Variants in TUSC3 observed in about 807,000 individuals in gnomAD.
TUSC3 encodes tumor suppressor candidate 3.
In TUSC3, 45 loss-of-function variants were observed where a neutral mutation model predicts 44.8. That is an observed-to-expected ratio of 1.00 (90% CI 0.79 to 1.29). The LOEUF (loss-of-function observed/expected upper bound fraction) is 1.29. Ranked by LOEUF, TUSC3 falls within the 50% of genes most tolerant of loss-of-function variation. The pLI is 0.00. For missense variants in TUSC3, 519 were observed against 437.9 expected, an observed-to-expected ratio of 1.19 and a Z score of -1.65; for synonymous variants, 212 against 152.9, an observed-to-expected ratio of 1.39 and a Z score of -2.85.
At chr8:15,578,847 G>C (rs1444718447) in intron 1 of TUSC3, among the ~76,000 whole-genome samples, 1 of 152,054 alleles carries the variant, frequency 6.6e-6, no homozygotes, top group Admixed American at 6.6e-5. Context: ...AGTTAGGGAG[G>C]ATTCCCTCTT....
intron 2 of TUSC3, among the ~76,000 whole-genome samples, chr8:15,499,159 T>C (rs934221964): frequency 2.6e-5 from 4 of 152,184 alleles, no homozygotes. Context: ...TGCCTCTTGT[T>C]AATGCCAAGC....
intron 1 of TUSC3, among the ~76,000 whole-genome samples, chr8:15,543,176 A>G (rs779347181): frequency 3.3e-5 from 5 of 152,212 alleles, no homozygotes; most frequent in African/African-American, 4.8e-5. Flanking sequence ...GATGCCTATG[A>G]TAAGATTTGG....
At chr8:15,520,418 T>A (rs1173661528) in intron 2 of TUSC3, among the ~76,000 whole-genome samples, 1 of 152,210 alleles carries the variant, frequency 6.6e-6, no homozygotes, top group African/African-American at 2.4e-5. Flanking sequence ...TGGGATAATT[T>A]ATTACGCAAA....
the TUSC3 span, among the ~76,000 whole-genome samples, chr8:15,827,903 C>A: frequency 6.6e-6 from 1 of 151,886 alleles, no homozygotes; most frequent in Admixed American, 6.6e-5. Flanking sequence ...TTTGCGGGGC[C>A]AGAGGTGAAC....
chr8:15,761,675 G>C (rs1191140072), intron 10 of TUSC3, among the ~76,000 whole-genome samples: 2 of 152,194 alleles, frequency 1.3e-5, no homozygotes, highest in African/African-American at 2.4e-5. Context: ...AGTCCACACA[G>C]AAGTTGATCG....
intron 2 of TUSC3, among the ~76,000 whole-genome samples, chr8:15,623,820 C>G (rs943588056): frequency 6.6e-5 from 10 of 152,054 alleles, no homozygotes; most frequent in African/African-American, 2.4e-4. Flanking sequence ...ATCTTTTACC[C>G]AGTTTCCTCC....
At chr8:15,593,574 ATT>A (rs1803942443) in intron 1 of TUSC3, among the ~76,000 whole-genome samples, 1 of 152,130 alleles carries the variant, frequency 6.6e-6, no homozygotes, top group South Asian at 2.1e-4. Context: ...AGTTGAAACC[ATT>A]TGAGTTATTT....
At position 15,744,353 on chromosome 8, in the gene TUSC3, G is replaced by T. The variant is rs1226799804; in HGVS notation, c.937+741G>T. On this transcript the variant is annotated intron_variant, in intron 8 of 10. Transcript: ENST00000503731. ...GTGCTCTGAGGAGCAAAGGACAGTC[G>T]ATTGTTTCCTGCCACAGACCTTTTT... 2.0e-5 allele frequency among the ~76,000 whole-genome samples: 3 copies of T among 152,070 alleles called. No individual in the cohort carries two copies. The South Asian group carries it at 6.2e-4, about 31-fold the overall frequency.
intron 1 of TUSC3, among the ~76,000 whole-genome samples, chr8:15,445,941 C>T (rs927459332): frequency 1.6e-4 from 23 of 145,746 alleles, no homozygotes; most frequent in Non-Finnish European, 2.6e-4. Flanking sequence ...GGCGGCTGGC[C>T]GGACGGGGGC....
At position 15,465,397 on chromosome 8, in the gene TUSC3, G is replaced by A. The variant is rs557755350; in HGVS notation, n.92-17989G>A. On this transcript the variant is annotated intron_variant and non_coding_transcript_variant, in intron 1 of 5. Transcript: ENST00000503191. ...AAGATTTTGAACCACCAGCAGATTT[G>A]TATTCTGAATTCAAACCACCAATGT... Among the ~76,000 whole-genome samples the A allele has an allele frequency of 1.4e-4, 22 of 152,260 alleles. 1 individual carries two copies. The highest frequency in any genetic ancestry group is 5.1e-4 in the African/African-American group (21 of 41,552).
At chr8:15,457,399 T>C (rs761473800) in intron 1 of TUSC3, among the ~76,000 whole-genome samples, 1 of 151,782 alleles carries the variant, frequency 6.6e-6, no homozygotes, top group Non-Finnish European at 1.5e-5. Context: ...CCAATAATCA[T>C]ATGTGATTGG....
At chr8:15,521,482 G>C (rs537890140) in intron 2 of TUSC3, among the ~76,000 whole-genome samples, 10 of 152,104 alleles carry the variant, frequency 6.6e-5, no homozygotes, top group Non-Finnish European at 1.3e-4. Context: ...CATTCAGTTG[G>C]TCTCAACTAT....
intron 1 of TUSC3, among the ~76,000 whole-genome samples, chr8:15,562,186 T>TA (rs1802501422): frequency 6.6e-6 from 1 of 152,164 alleles, no homozygotes; most frequent in South Asian, 2.1e-4. Context: ...ACTACACAAT[T>TA]ACTGCGTGAG....
intron 10 of TUSC3, among the ~76,000 whole-genome samples, chr8:15,763,241 G>A (rs932061759): frequency 6.6e-6 from 1 of 151,744 alleles, no homozygotes; most frequent in African/African-American, 2.4e-5. Context: ...AAAGAACTTC[G>A]GGAATCATCC....
intron 7 of TUSC3, among the ~76,000 whole-genome samples, chr8:15,738,827 C>CTTTTTTTTTCTTTCTTTTTTTTTTTTT (rs1554484836): frequency 2.3e-5 from 2 of 87,172 alleles, no homozygotes; most frequent in African/African-American, 9.7e-5. Flanking sequence ...ATATATCTTG[C>CTTTTTTTTTCTTTCTTTTTTTTTTTTT]TTTTTTTTTT....
chr8:15,730,487 A>T (rs1214034629), intron 6 of TUSC3, among the ~76,000 whole-genome samples, 179 bp from the exon 7 acceptor site: 2 of 152,160 alleles, frequency 1.3e-5, no homozygotes, highest in Middle Eastern at 3.2e-3. Context: ...ATCAACCAAC[A>T]TTGTCATCTA....
In TUSC3 at chr8:15,551,612, A is replaced by T. The variant is rs969654475; in HGVS notation, c.138+11044A>T. Reference sequence around the variant, plus strand: ...AAGCCATAAATTAAATCAGTAAGCTACTTTTGTTCATTGCTGTAGTTTTCA... The same window carrying T: ...AAGCCATAAATTAAATCAGTAAGCTTCTTTTGTTCATTGCTGTAGTTTTCA... On this transcript the variant is annotated intron_variant, in intron 1 of 10. Coordinates refer to ENST00000503731, the MANE Select transcript of TUSC3 (RefSeq NM_006765.4). Among the ~76,000 whole-genome samples, 9 of 151,764 alleles carry T rather than the reference A, an allele frequency of 5.9e-5. 1 individual carries two copies. The highest frequency in any genetic ancestry group is 2.2e-4 in the African/African-American group (9 of 41,408).
At chr8:15,770,183 T>C (rs1650300534), downstream of TUSC3, among the ~76,000 whole-genome samples, 1 of 152,126 alleles carries the variant, frequency 6.6e-6, no homozygotes, top group Non-Finnish European at 1.5e-5. Flanking sequence ...AATGATAGAC[T>C]GGATAAAGAA....
intron 3 of TUSC3, among the ~76,000 whole-genome samples, chr8:15,656,070 T>G (rs1807149669): frequency 1.3e-5 from 2 of 152,134 alleles, no homozygotes; most frequent in South Asian, 2.1e-4. Flanking sequence ...AACAGGAGTT[T>G]GTGGGGTGGG....
Sources: gnomAD v4.1 joint callset for allele counts (sites outside exome capture counted in the v4.1 genomes callset) on GRCh38, gnomAD v4.1.1 for gene constraint, MANE v1.5 for transcripts, NCBI Gene and HGNC (gene_info 2026-07-23, HGNC 2026-07-21) for gene names.